CTNNA2: variants seen among roughly 807,000 people sequenced by gnomAD.
CTNNA2 encodes catenin alpha-2.
In CTNNA2, 42 loss-of-function variants were observed where a neutral mutation model predicts 101.0. That is an observed-to-expected ratio of 0.42 (90% CI 0.32 to 0.54). The LOEUF (loss-of-function observed/expected upper bound fraction) is 0.54. Among genes scored for constraint, CTNNA2 ranks in the 20% least tolerant of loss-of-function variants. CTNNA2 has a pLI of 0.14. For missense variants in CTNNA2, 871 were observed against 1,223.1 expected (o/e 0.71, Z 4.29); for synonymous variants, 450 against 456.4 (o/e 0.99, Z 0.18).
intron 2 of CTNNA2, among the ~76,000 whole-genome samples, chr2:79,652,477 TATTCAA>T (rs973458123): frequency 1.3e-5 from 2 of 152,112 alleles, no homozygotes; most frequent in Non-Finnish European, 2.9e-5. Flanking sequence ...CCTTTCTCTA[TATTCAA>T]ATCCAGCAAT....
intron 7 of CTNNA2, among the ~76,000 whole-genome samples, chr2:80,249,274 A>G (rs1263695248): frequency 1.3e-5 from 2 of 152,198 alleles, no homozygotes; most frequent in African/African-American, 4.8e-5. Context: ...GAGCATTGAG[A>G]CCAGCTCCTC....
chr2:79,209,861 T>C (rs192569140), intron 2 of CTNNA2, among the ~76,000 whole-genome samples: 20 of 109,308 alleles, frequency 1.8e-4, no homozygotes, highest in African/African-American at 8.6e-4. Context: ...TATACTCTCC[T>C]GTTGGGACAC....
At chr2:79,818,029 C>A (rs1191211822) in intron 3 of CTNNA2, among the ~76,000 whole-genome samples, 1 of 152,180 alleles carries the variant, frequency 6.6e-6, no homozygotes, top group African/African-American at 2.4e-5. Context: ...TTTTAATAAG[C>A]CTCATTACTT....
intron 7 of CTNNA2, among the ~76,000 whole-genome samples, chr2:80,046,238 G>A (rs1335108781): frequency 7.9e-5 from 12 of 152,290 alleles, no homozygotes; most frequent in Admixed American, 7.8e-4. Context: ...CCTGAACTGG[G>A]TTGACCTTGA....
chr2:79,289,541 G>C (rs1188355649), intron 2 of CTNNA2, among the ~76,000 whole-genome samples: 1 of 151,880 alleles, frequency 6.6e-6, no homozygotes, highest in Non-Finnish European at 1.5e-5. Context: ...GCGGGTGTTG[G>C]TCGAGACCAG....
At chr2:80,005,244 A>G (rs1693254774) in intron 7 of CTNNA2, among the ~76,000 whole-genome samples, 1 of 152,190 alleles carries the variant, frequency 6.6e-6, no homozygotes, top group South Asian at 2.1e-4. Flanking sequence ...TACAACGTAG[A>G]AGACATTCTG....
At chr2:79,839,144 C>A (rs1225728034) in intron 3 of CTNNA2, among the ~76,000 whole-genome samples, 2 of 152,028 alleles carry the variant, frequency 1.3e-5, no homozygotes, top group African/African-American at 4.8e-5. Context: ...TCTCATTTCT[C>A]TGGAACTGTC....
chr2:79,540,901 C>T (rs897048174), intron 1 of CTNNA2, among the ~76,000 whole-genome samples: 1 of 152,086 alleles, frequency 6.6e-6, no homozygotes, highest in Non-Finnish European at 1.5e-5. Flanking sequence ...AACAACTTAA[C>T]ATGGTATGGA....
At chr2:80,508,697 G>C (rs1688471227) in intron 9 of CTNNA2, among the ~76,000 whole-genome samples, 1 of 149,094 alleles carries the variant, frequency 6.7e-6, no homozygotes, top group Non-Finnish European at 1.5e-5. Context: ...AAACAAATTT[G>C]AGATTGTGTT....
intron 7 of CTNNA2, among the ~76,000 whole-genome samples, chr2:80,335,501 C>A (rs1671695059): frequency 6.6e-6 from 1 of 152,050 alleles, no homozygotes; most frequent in African/African-American, 2.4e-5. Context: ...GCGCAGTGTA[C>A]AATCACATCA....
At chr2:80,311,266 T>C (rs1246858696) in intron 7 of CTNNA2, among the ~76,000 whole-genome samples, 2 of 152,232 alleles carry the variant, frequency 1.3e-5, no homozygotes, top group African/African-American at 4.8e-5. Flanking sequence ...AAAAAACTAT[T>C]AATACATAAT....
intron 1 of CTNNA2, among the ~76,000 whole-genome samples, chr2:79,521,113 T>C (rs1672083788): frequency 1.5e-3 from 1 of 672 alleles, no homozygotes; most frequent in African/African-American, 3.0e-3. Context: ...TGCTGATATA[T>C]ATATATATAT....
intron 7 of CTNNA2, among the ~76,000 whole-genome samples, chr2:80,160,995 T>C (rs978026689): frequency 6.6e-6 from 1 of 152,188 alleles, no homozygotes; most frequent in Non-Finnish European, 1.5e-5. Flanking sequence ...TCATTGACTT[T>C]TGCCAATTGC....
chr2:79,442,019 C>A (rs1678783420), intron 4 of CTNNA2, among the ~76,000 whole-genome samples: 1 of 152,148 alleles, frequency 6.6e-6, no homozygotes, highest in Non-Finnish European at 1.5e-5. Context: ...GACTAATTAG[C>A]TATTAGTTTT....
At chr2:79,337,638 T>C (rs904765889) in intron 3 of CTNNA2, among the ~76,000 whole-genome samples, 17 of 152,174 alleles carry the variant, frequency 1.1e-4, no homozygotes, top group African/African-American at 3.9e-4. Context: ...TAGATTCTCT[T>C]AATCTAATTT....
chr2:80,294,635 T>TAAA (rs946463525), intron 7 of CTNNA2, among the ~76,000 whole-genome samples: 2 of 151,588 alleles, frequency 1.3e-5, no homozygotes, highest in East Asian at 1.9e-4. Flanking sequence ...CTGGGAAGCT[T>TAAA]AAAAAAAATA....
intron 9 of CTNNA2, among the ~76,000 whole-genome samples, chr2:80,453,660 A>G (rs753085701): frequency 6.6e-6 from 1 of 152,222 alleles, no homozygotes; most frequent in Non-Finnish European, 1.5e-5. Context: ...TACAGAACAT[A>G]TATCTGTTTG....
At chr2:79,320,810 C>T (rs1390384411) in intron 3 of CTNNA2, among the ~76,000 whole-genome samples, 1 of 152,130 alleles carries the variant, frequency 6.6e-6, no homozygotes, top group South Asian at 2.1e-4. Flanking sequence ...ACAGGAACAA[C>T]ATGAAAGTAC....
At chr2:79,818,572 C>T (rs1484470310) in intron 3 of CTNNA2, among the ~76,000 whole-genome samples, 1 of 151,772 alleles carries the variant, frequency 6.6e-6, no homozygotes, top group African/African-American at 2.4e-5. Context: ...ACCTCGGCCT[C>T]CCAAAGTGCT....
Sources: gnomAD v4.1 joint callset for allele counts (sites outside exome capture counted in the v4.1 genomes callset) on GRCh38, gnomAD v4.1.1 for gene constraint, MANE v1.5 for transcripts, NCBI Gene and HGNC (gene_info 2026-07-23, HGNC 2026-07-21) for gene names.